The following FARP1 variants were observed in gnomAD, a reference collection of about 807,000 sequenced individuals.
FARP1 encodes FERM, ARH/RhoGEF and pleckstrin domain protein 1, also known as FERM, ARHGEF and pleckstrin domain-containing protein 1.
FARP1 carries 52 observed loss-of-function variants against 128.8 expected under a neutral mutation model. The ratio of observed to expected loss-of-function variants is 0.40; its 90% CI spans 0.32 to 0.51. FARP1 has a LOEUF of 0.51. FARP1 is among the 20% of genes least tolerant of loss of function. The pLI is 0.45. For synonymous variants in FARP1, 580 were observed against 551.8 expected (o/e 1.05, Z -0.72); for missense variants, 1,333 against 1,367.9 (o/e 0.97, Z 0.40).
intron 2 of FARP1, among the ~76,000 whole-genome samples, chr13:98,220,489 T>A (rs1334351654): frequency 2.6e-5 from 4 of 152,208 alleles, no homozygotes; most frequent in African/African-American, 9.7e-5. Flanking sequence ...TATCACTGTT[T>A]CTTTTGGCTC....
At chr13:98,177,319 T>G in intron 1 of FARP1, 1 of 1,150,372 alleles carries the variant, frequency 8.7e-7, no homozygotes, top group Non-Finnish European at 1.2e-6. Context: ...GCGTGGGCCC[T>G]CCCAGTTCTA....
At chr13:98,308,033 C>CTTTTTTTTTTTTT (rs10536692) in intron 2 of FARP1, among the ~76,000 whole-genome samples, 1 of 16,968 alleles carries the variant, frequency 5.9e-5, no homozygotes, top group African/African-American at 1.5e-4. Context: ...CACTCTCTCT[C>CTTTTTTTTTTTTT]TTTTTTTTTT....
chr13:98,313,475 C>T (rs1267474448), intron 2 of FARP1, among the ~76,000 whole-genome samples: 6 of 152,332 alleles, frequency 3.9e-5, no homozygotes, highest in Non-Finnish European at 7.3e-5. Context: ...CAGATTCTCC[C>T]AGAACCTTCA....
chr13:98,417,455 G>GGGAAAAAAAAAAAAAAAAAAAAAAAAA (rs1491453247), intron 16 of FARP1, among the ~76,000 whole-genome samples: 1 of 58,454 alleles, frequency 1.7e-5, no homozygotes, highest in African/African-American at 5.7e-5. Context: ...CCAGAGGTTT[G>GGGAAAAAAAAAAAAAAAAAAAAAAAAA]AAAAAAAAAA....
chr13:98,410,964 T>C, intron 15 of FARP1, 141 bp downstream of exon 15: 1 of 500,692 alleles, frequency 2.0e-6, no homozygotes, highest in South Asian at 4.0e-5. Flanking sequence ...GGTATAGAAA[T>C]TAAATGCTAA....
At chr13:98,227,320 T>C (rs1210335833) in intron 2 of FARP1, among the ~76,000 whole-genome samples, 4 of 152,112 alleles carry the variant, frequency 2.6e-5, no homozygotes, top group Non-Finnish European at 5.9e-5. Context: ...GTTGAAAAAA[T>C]GTCTTCACCA....
chr13:98,370,981 G>A (rs1356693563), intron 5 of FARP1, among the ~76,000 whole-genome samples: 4 of 152,172 alleles, frequency 2.6e-5, no homozygotes, highest in African/African-American at 4.8e-5. Flanking sequence ...AGGGCCTTTC[G>A]CTGGGGCTGC....
At chr13:98,175,689 G>A (rs73561304) in intron 1 of FARP1, 4,537 of 160,372 alleles carry the variant, frequency 0.028, 214 homozygotes, top group African/African-American at 0.1. Context: ...CCCCACTCCC[G>A]CTCTTCCTAA....
chr13:98,199,815 T>C (rs1471442990), intron 1 of FARP1, among the ~76,000 whole-genome samples: 1 of 152,210 alleles, frequency 6.6e-6, no homozygotes, highest in Non-Finnish European at 1.5e-5. Flanking sequence ...TTACATTTAA[T>C]TCACCCTGAC....
At chr13:98,388,651 G>A (rs1594477270) in intron 9 of FARP1, among the ~76,000 whole-genome samples, 173 bp downstream of exon 9, 1 of 152,166 alleles carries the variant, frequency 6.6e-6, no homozygotes, top group African/African-American at 2.4e-5. Context: ...CCAAATGGTC[G>A]GTAACTCTAC....
At chr13:98,388,587 C>A in intron 9 of FARP1, 109 bp downstream of exon 9, 2 of 797,370 alleles carry the variant, frequency 2.5e-6, no homozygotes, top group Non-Finnish European at 4.3e-6. Flanking sequence ...CTGGCCAGTG[C>A]TACCCAGGTG....
chr13:98,356,703 A>G (rs887297164), intron 3 of FARP1, among the ~76,000 whole-genome samples: 3 of 151,766 alleles, frequency 2.0e-5, no homozygotes, highest in Non-Finnish European at 2.9e-5. Flanking sequence ...TAGTGGCACA[A>G]TCTCAGCTCA....
rs546877283 is a variant in FARP1, at chr13:98,320,216, G to A, written c.172-23546G>A. On this transcript the variant is annotated intron_variant, in intron 2 of 26. Coordinates refer to ENST00000319562, the MANE Select transcript of FARP1 (RefSeq NM_005766.4). ...TGGAGTCAAGGCTCACAAGGAGAGA[G>A]AAAATTATTTTATCAGTTGTAGTTC... 6.6e-5 allele frequency among the ~76,000 whole-genome samples: 10 copies of A among 152,314 alleles called. No individual in the cohort carries two copies. The East Asian group carries it at 1.5e-3, about 24-fold the overall frequency.
At position 98,231,778 on chromosome 13, in the gene FARP1, TC is replaced by T. The variant is rs1444588828; in HGVS notation, c.171+18367del. ...TACAAAGGGACTAGAGTACTTTTTTTCCTCATAGAGAATAAAATATCCTCTT... is the reference window on the plus strand; with the variant it reads ...TACAAAGGGACTAGAGTACTTTTTTTCTCATAGAGAATAAAATATCCTCTT... On this transcript the variant is annotated intron_variant, in intron 2 of 26. Coordinates refer to ENST00000319562, the MANE Select transcript of FARP1 (RefSeq NM_005766.4). Among the ~76,000 whole-genome samples, 3 of 152,328 alleles carry T rather than the reference TC, an allele frequency of 2.0e-5. No individual in the cohort carries two copies. In the East Asian group the frequency reaches 5.8e-4, roughly 29 times the overall value.
At chr13:98,227,009 C>T (rs1468717998) in intron 2 of FARP1, among the ~76,000 whole-genome samples, 1 of 151,858 alleles carries the variant, frequency 6.6e-6, no homozygotes, top group Non-Finnish European at 1.5e-5. Flanking sequence ...GGCACGATCT[C>T]GGCTCACTGC....
At chr13:98,325,180 A>G (rs1256497755) in intron 2 of FARP1, among the ~76,000 whole-genome samples, 1 of 152,250 alleles carries the variant, frequency 6.6e-6, no homozygotes, top group Non-Finnish European at 1.5e-5. Flanking sequence ...TGATGTTGGA[A>G]TAGAAGAAAT....
At chr13:98,374,038 G>C (rs1417535307) in intron 5 of FARP1, among the ~76,000 whole-genome samples, 3 of 152,126 alleles carry the variant, frequency 2.0e-5, no homozygotes, top group Non-Finnish European at 4.4e-5. Context: ...ATTTTTCTAT[G>C]CATACATATG....
chr13:98,384,694 C>CATGA, intron 6 of FARP1, 36 bp from the exon 7 acceptor site: 3 of 1,297,896 alleles, frequency 2.3e-6, no homozygotes, highest in Non-Finnish European at 3.4e-6. Context: ...AAGTGTCATT[C>CATGA]CTACGTGACC....
chr13:98,249,785 C>T lies in FARP1; in HGVS notation c.171+36372C>T, dbSNP rs77718334. On this transcript the variant is annotated intron_variant, in intron 2 of 26. Coordinates refer to ENST00000319562, the MANE Select transcript of FARP1 (RefSeq NM_005766.4). ...AAAAAAGACAGACGGAAACCTGAGG[C>T]CATACCGTTTCTTAGTGATGGTTCC... Among the ~76,000 whole-genome samples, 97 of 152,232 alleles carry T rather than the reference C, an allele frequency of 6.4e-4. 4 individuals are homozygous for T. In the East Asian group the frequency reaches 0.018, roughly 29 times the overall value.
Sources: gnomAD v4.1 joint callset for allele counts (sites outside exome capture counted in the v4.1 genomes callset) on GRCh38, gnomAD v4.1.1 for gene constraint, MANE v1.5 for transcripts, NCBI Gene and HGNC (gene_info 2026-07-23, HGNC 2026-07-21) for gene names.